SLC4A10: variants seen among roughly 807,000 people sequenced by gnomAD.
SLC4A10 encodes solute carrier family 4 member 10.
SLC4A10 carries 42 observed loss-of-function variants against 137.7 expected under a neutral mutation model. The observed-to-expected ratio is 0.30, with a 90% CI of 0.24 to 0.39. The LOEUF (loss-of-function observed/expected upper bound fraction) is 0.39. Ranked by LOEUF, SLC4A10 falls within the 10% of genes least tolerant of loss-of-function variation. The probability of loss-of-function intolerance (pLI) is 1.00; values close to 1 mark genes in which losing one functional copy is unlikely to be tolerated. For missense variants in SLC4A10, 925 were observed against 1,355.0 expected, an observed-to-expected ratio of 0.68 and a Z score of 4.98; for synonymous variants, 474 against 464.1, an observed-to-expected ratio of 1.02 and a Z score of -0.27.
intron 13 of SLC4A10, among the ~76,000 whole-genome samples, chr2:161,904,447 T>C (rs775916159): frequency 1.2e-4 from 19 of 152,156 alleles, no homozygotes; most frequent in South Asian, 4.1e-4. Flanking sequence ...AGGTTTAGTC[T>C]CCATTCTTGT....
intron 15 of SLC4A10, among the ~76,000 whole-genome samples, chr2:161,942,146 G>C (rs191852521): frequency 6.6e-6 from 1 of 152,226 alleles, no homozygotes. Flanking sequence ...ATCACTAAAA[G>C]AGCTGTCCAA....
At chr2:161,784,539 A>G (rs1574951850) in intron 2 of SLC4A10, among the ~76,000 whole-genome samples, 3 of 152,018 alleles carry the variant, frequency 2.0e-5, no homozygotes, top group South Asian at 2.1e-4. Flanking sequence ...TCAAAATTGT[A>G]CCAACTATTA....
intron 4 of SLC4A10, among the ~76,000 whole-genome samples, chr2:161,844,196 T>C (rs1390664039): frequency 6.6e-6 from 1 of 152,142 alleles, no homozygotes; most frequent in East Asian, 1.9e-4. Context: ...GCGTTAGGCT[T>C]CTGATACATA....
At chr2:161,661,881 A>G (rs2038454360) in intron 1 of SLC4A10, among the ~76,000 whole-genome samples, 1 of 152,176 alleles carries the variant, frequency 6.6e-6, no homozygotes, top group African/African-American at 2.4e-5. Flanking sequence ...ACATTAGGCT[A>G]CCTTACTTCA....
intron 1 of SLC4A10, among the ~76,000 whole-genome samples, chr2:161,653,139 A>G (rs1448411260): frequency 6.6e-6 from 1 of 151,964 alleles, no homozygotes; most frequent in Non-Finnish European, 1.5e-5. Flanking sequence ...GCCGAGAATG[A>G]TGGTTTCCAG....
intron 3 of SLC4A10, among the ~76,000 whole-genome samples, chr2:161,825,570 A>AT (rs1379146771): frequency 1.6e-4 from 24 of 152,236 alleles, no homozygotes; most frequent in African/African-American, 5.3e-4. Context: ...ATGACTCTAT[A>AT]TTCCACACCC....
At chr2:161,724,251 A>G (rs2045989780) in intron 1 of SLC4A10, among the ~76,000 whole-genome samples, 2 of 152,096 alleles carry the variant, frequency 1.3e-5, no homozygotes, top group African/African-American at 4.8e-5. Context: ...TAAAATGTAA[A>G]CCAGAATCAG....
chr2:161,930,270 T>A (rs146549273), intron 15 of SLC4A10, among the ~76,000 whole-genome samples: 165 of 152,282 alleles, frequency 1.1e-3, no homozygotes, highest in African/African-American at 3.8e-3. Context: ...AAAGCCTGTG[T>A]TGAGCTTTAG....
chr2:161,729,492 TTATAGAAA>T (rs982784692), intron 1 of SLC4A10, among the ~76,000 whole-genome samples: 6 of 152,134 alleles, frequency 3.9e-5, no homozygotes, highest in Admixed American at 3.9e-4. Context: ...GTGATAAAAC[TTATAGAAA>T]TATACACAAA....
In SLC4A10 at chr2:161,925,383, C is replaced by T. The variant is rs545012325; in HGVS notation, c.1998-17409C>T. ...ATGGTAGTTTGTATTTCTGTGGGATCGGTGGTGATATATATCCCCTTTATC... is the reference window on the plus strand; with the variant it reads ...ATGGTAGTTTGTATTTCTGTGGGATTGGTGGTGATATATATCCCCTTTATC... On this transcript the variant is annotated intron_variant, in intron 15 of 26. Transcript: ENST00000446997. Among the ~76,000 whole-genome samples the T allele has an allele frequency of 3.3e-5, 5 of 152,088 alleles. No individual in the cohort carries two copies. The East Asian group carries it at 7.8e-4, about 24-fold the overall frequency.
intron 1 of SLC4A10, among the ~76,000 whole-genome samples, chr2:161,639,328 G>A (rs1372839073): frequency 1.3e-5 from 2 of 151,906 alleles, no homozygotes; most frequent in Admixed American, 6.6e-5. Context: ...AACAAAATAA[G>A]AAAACTACAG....
intron 23 of SLC4A10, among the ~76,000 whole-genome samples, chr2:161,966,735 C>CA (rs11322395): frequency 4.0e-5 from 5 of 125,650 alleles, no homozygotes; most frequent in African/African-American, 1.4e-4. Flanking sequence ...GACTCCGTCT[C>CA]AAAAAAAAAA....
chr2:161,750,519 T>A (rs763011724), intron 1 of SLC4A10, among the ~76,000 whole-genome samples: 9 of 151,876 alleles, frequency 5.9e-5, no homozygotes, highest in Non-Finnish European at 8.9e-5. Context: ...TGTTATTTAG[T>A]TTCTACATAT....
chr2:161,772,251 T>G (rs1371414317), intron 2 of SLC4A10, among the ~76,000 whole-genome samples: 1 of 151,842 alleles, frequency 6.6e-6, no homozygotes, highest in Non-Finnish European at 1.5e-5. Flanking sequence ...AATTTATCTT[T>G]GAGTTCGAAA....
At chr2:161,764,743 A>G (rs1030855496) in intron 1 of SLC4A10, among the ~76,000 whole-genome samples, 1 of 152,092 alleles carries the variant, frequency 6.6e-6, no homozygotes, top group African/African-American at 2.4e-5. Context: ...GCGGTGGCCC[A>G]TATTAGCTGC....
At chr2:161,673,895 C>T (rs1251900366) in intron 1 of SLC4A10, among the ~76,000 whole-genome samples, 4 of 152,144 alleles carry the variant, frequency 2.6e-5, no homozygotes, top group Non-Finnish European at 5.9e-5. Flanking sequence ...AAGGCTGAGG[C>T]AGGAGAATCG....
chr2:161,639,981 A>C (rs1558921758), intron 1 of SLC4A10, among the ~76,000 whole-genome samples: 1 of 152,192 alleles, frequency 6.6e-6, no homozygotes, highest in Non-Finnish European at 1.5e-5. Flanking sequence ...GCCAACAGGA[A>C]ACTATCTGAA....
At chr2:161,788,827 T>A (rs1307329909) in intron 2 of SLC4A10, among the ~76,000 whole-genome samples, 2 of 152,274 alleles carry the variant, frequency 1.3e-5, no homozygotes, top group African/African-American at 4.8e-5. Context: ...TTGGCTCACT[T>A]TCAATGAGGT....
At chr2:161,930,803 A>G (rs1378162947) in intron 15 of SLC4A10, among the ~76,000 whole-genome samples, 1 of 152,168 alleles carries the variant, frequency 6.6e-6, no homozygotes, top group East Asian at 1.9e-4. Context: ...GGTAAGATTA[A>G]GAAAGGAGGG....
Sources: gnomAD v4.1 joint callset for allele counts (sites outside exome capture counted in the v4.1 genomes callset) on GRCh38, gnomAD v4.1.1 for gene constraint, MANE v1.5 for transcripts, NCBI Gene and HGNC (gene_info 2026-07-23, HGNC 2026-07-21) for gene names.